The following ELP1 variants were observed in gnomAD, a reference collection of about 807,000 sequenced individuals.
ELP1 encodes the protein elongator complex protein 1.
In ELP1, 131 loss-of-function variants were observed where a neutral mutation model predicts 183.2. The ratio of observed to expected loss-of-function variants is 0.72; its 90% CI spans 0.62 to 0.83. The LOEUF (loss-of-function observed/expected upper bound fraction) is 0.83, where lower values mean the gene tolerates loss of function less well. Ranked by LOEUF, ELP1 falls within the 40% of genes least tolerant of loss-of-function variation. The pLI is 0.00. For missense variants in ELP1, 1,550 were observed against 1,594.9 expected, an observed-to-expected ratio of 0.97 and a Z score of 0.48; for synonymous variants, 555 against 569.0, an observed-to-expected ratio of 0.98 and a Z score of 0.35.
chr9:108,890,399 A>G (rs913520513), intron 28 of ELP1, among the ~76,000 whole-genome samples: 1 of 152,214 alleles, frequency 6.6e-6, no homozygotes, highest in Non-Finnish European at 1.5e-5. Context: ...AACAGGATAG[A>G]GTTTGGAATT....
intron 14 of ELP1, among the ~76,000 whole-genome samples, chr9:108,904,296 T>C (rs1828939704): frequency 7.0e-6 from 1 of 143,166 alleles, no homozygotes; most frequent in African/African-American, 2.5e-5. Context: ...CAGGTTGAAA[T>C]GCAGTTGACA....
chr9:108,929,837 C>A lies in ELP1; in HGVS notation c.235G>T (p.Asp79Tyr). 6.2e-7 allele frequency: 1 copy of A among 1,613,976 alleles called. No homozygotes were observed. The highest frequency in any genetic ancestry group is 8.5e-7 in the Non-Finnish European group (1 of 1,180,036). ...GTGGCCACACACACAGACTCCTGATCCAGCAAGTCCTGAACACCAACAATG... is the reference window on the plus strand; with the variant it reads ...GTGGCCACACACACAGACTCCTGATACAGCAAGTCCTGAACACCAACAATG... ...GRIVGVQDLLDQESVCVATAS... is the reference protein window; with the variant it reads ...GRIVGVQDLLYQESVCVATAS... The change falls in exon 3 of 37, where the codon GAT becomes TAT. Residue 79 changes from aspartate to tyrosine, a missense_variant. Physicochemically the swap from Asp to Tyr is radical, Grantham distance 160 (BLOSUM62 -3). Coordinates refer to ENST00000374647, the MANE Select transcript of ELP1 (RefSeq NM_003640.5).
intron 29 of ELP1, among the ~76,000 whole-genome samples, chr9:108,886,723 A>T (rs1828136023): frequency 6.6e-6 from 1 of 152,170 alleles, no homozygotes; most frequent in African/African-American, 2.4e-5. Context: ...TATAGGCCTT[A>T]TGGGCCAAAC....
intron 31 of ELP1, 58 bp downstream of exon 31, chr9:108,881,647 A>T: frequency 1.9e-6 from 2 of 1,060,884 alleles, no homozygotes; most frequent in Non-Finnish European, 1.5e-6. Flanking sequence ...AGACTCTCTC[A>T]TCTCTCTCTC....
At chr9:108,895,640 G>A (rs746727493) in intron 25 of ELP1, among the ~76,000 whole-genome samples, 11 of 152,116 alleles carry the variant, frequency 7.2e-5, no homozygotes, top group African/African-American at 9.7e-5. Flanking sequence ...TTATATCCTC[G>A]GAACAATGGG....
chr9:108,929,603 T>C (rs962231895), intron 3 of ELP1, among the ~76,000 whole-genome samples, 166 bp downstream of exon 3: 6 of 152,196 alleles, frequency 3.9e-5, no homozygotes, highest in African/African-American at 1.2e-4. Flanking sequence ...TCTTAACATA[T>C]AGATAAAGCC....
intron 10 of ELP1, among the ~76,000 whole-genome samples, chr9:108,912,954 G>A (rs1829288716): frequency 6.6e-6 from 1 of 151,382 alleles, no homozygotes; most frequent in South Asian, 2.1e-4. Context: ...TAGAAACATG[G>A]TTTCACCGTG....
intron 30 of ELP1, 103 bp from the exon 31 acceptor site, chr9:108,881,868 T>C (rs1827943710): frequency 1.2e-6 from 1 of 808,384 alleles, no homozygotes; most frequent in Non-Finnish European, 2.1e-6. Context: ...AATCAGAATA[T>C]TTTCCTGAAA....
chr9:108,911,063 CTCTT>C lies in ELP1; in HGVS notation c.1303_1306del (p.Lys435ValfsTer7). On this transcript the variant is annotated frameshift_variant, in exon 12 of 37. Coordinates refer to ENST00000374647, the MANE Select transcript of ELP1 (RefSeq NM_003640.5). LOFTEE classifies it high-confidence loss of function. ...GGCATCTAGAACAGCAAGGTCATTA[CTCTT>C]TTGAGGGTGTGCTAAGAATGTGACT... 1 of 1,614,104 alleles carries C rather than the reference CTCTT, an allele frequency of 6.2e-7. No homozygotes were observed. The highest frequency in any genetic ancestry group is 8.5e-7 in the Non-Finnish European group (1 of 1,180,000).
intron 12 of ELP1, among the ~76,000 whole-genome samples, chr9:108,909,432 C>G (rs1286276260): frequency 6.6e-6 from 1 of 152,156 alleles, no homozygotes; most frequent in Non-Finnish European, 1.5e-5. Context: ...TCTTTGAAAA[C>G]TTTGGCAACG....
At chr9:108,913,053 C>T (rs1759854) in intron 10 of ELP1, among the ~76,000 whole-genome samples, 86,782 of 151,616 alleles carry the variant, frequency 0.57, 25,075 homozygotes, top group South Asian at 0.7. Flanking sequence ...AGCCACCGTG[C>T]CTGGCCCACA....
At chr9:108,930,853 G>T in intron 2 of ELP1, 144 bp downstream of exon 2, 1 of 780,682 alleles carries the variant, frequency 1.3e-6, no homozygotes, top group Non-Finnish European at 2.2e-6. Flanking sequence ...TGTCTAACAT[G>T]GCATATATAT....
chr9:108,882,348 A>G (rs1827963096), intron 29 of ELP1, among the ~76,000 whole-genome samples, 161 bp from the exon 30 acceptor site: 1 of 152,150 alleles, frequency 6.6e-6, no homozygotes, highest in Admixed American at 6.6e-5. Flanking sequence ...GACTCCATAA[A>G]TATTGATACA....
At chr9:108,917,859 G>C (rs1013219427) in intron 8 of ELP1, among the ~76,000 whole-genome samples, 189 bp from the exon 9 acceptor site, 4 of 152,156 alleles carry the variant, frequency 2.6e-5, no homozygotes, top group Non-Finnish European at 5.9e-5. Flanking sequence ...CCCACTGTGG[G>C]ACTGTACTTG....
chr9:108,893,195 A>C, intron 26 of ELP1, 112 bp from the exon 27 acceptor site: 1 of 749,782 alleles, frequency 1.3e-6, no homozygotes, highest in Non-Finnish European at 2.3e-6. Flanking sequence ...TTAAGACCTA[A>C]ATAATCAGAG....
At chr9:108,875,547 A>C (rs1827677256) in intron 35 of ELP1, 1 of 296,350 alleles carries the variant, frequency 3.4e-6, no homozygotes, top group African/African-American at 2.2e-5. Flanking sequence ...GGTATCCTGC[A>C]CATACCACAA....
rs79596285 is a variant in ELP1, at chr9:108,879,526, G to A, written c.3492C>T (p.Asp1164=). 14,953 of 1,613,992 alleles carry A rather than the reference G, an allele frequency of 9.3e-3. 1,011 individuals are homozygous for A. In the Admixed American group the frequency reaches 0.15, roughly 16 times the overall value. Reference sequence around the variant, plus strand: ...CGACACTGCTAGTTTCAGAGAAGAGGTCTGACTCTTGCCCGTGGGGTACCT... The same window carrying A: ...CGACACTGCTAGTTTCAGAGAAGAGATCTGACTCTTGCCCGTGGGGTACCT... ...DDEVPHGQES[D]LFSETSSVVS... Residue 1164 remains aspartate, a synonymous_variant, in exon 33 of 37, where the codon GAC becomes GAT. Coordinates refer to ENST00000374647, the MANE Select transcript of ELP1 (RefSeq NM_003640.5).
chr9:108,899,200 T>C (rs902450296), intron 20 of ELP1, among the ~76,000 whole-genome samples: 1 of 151,484 alleles, frequency 6.6e-6, no homozygotes, highest in African/African-American at 2.4e-5. Context: ...TGCGGGAGGC[T>C]GAAGTGGGAG....
chr9:108,901,196 G>T (rs1447606718), intron 18 of ELP1, among the ~76,000 whole-genome samples: 1 of 152,180 alleles, frequency 6.6e-6, no homozygotes, highest in African/African-American at 2.4e-5. Flanking sequence ...TTTAGAATGT[G>T]CTGCTTAAGG....
Sources: gnomAD v4.1 joint callset for allele counts (sites outside exome capture counted in the v4.1 genomes callset) on GRCh38, gnomAD v4.1.1 for gene constraint, MANE v1.5 for transcripts, NCBI Gene and HGNC (gene_info 2026-07-23, HGNC 2026-07-21) for gene names.